The following UNC80 variants were observed in gnomAD, a reference collection of about 807,000 sequenced individuals.
UNC80 encodes protein unc-80 homolog.
UNC80 carries 164 observed loss-of-function variants against 384.6 expected under a neutral mutation model. The observed-to-expected ratio is 0.43, with a 90% CI of 0.38 to 0.49. The LOEUF is 0.49. Ranked by LOEUF, UNC80 falls within the 20% of genes least tolerant of loss-of-function variation. UNC80 has a pLI of 0.00. For synonymous variants in UNC80, 1,486 were observed against 1,527.8 expected (o/e 0.97, Z 0.64); for missense variants, 3,330 against 4,143.0 (o/e 0.80, Z 5.39).
intron 29 of UNC80, among the ~76,000 whole-genome samples, 157 bp from the exon 30 acceptor site, chr2:209,912,403 C>T (rs1402846130): frequency 1.3e-5 from 2 of 152,136 alleles, no homozygotes; most frequent in African/African-American, 4.8e-5. Flanking sequence ...TATAAATAAA[C>T]TGCTTTTATA....
At chr2:209,933,727 A>G (rs1001752302) in intron 38 of UNC80, 95 bp from the exon 39 acceptor site, 22 of 1,116,200 alleles carry the variant, frequency 2.0e-5, no homozygotes, top group South Asian at 1.7e-4. Context: ...AAGGCACAGA[A>G]GAAGGTCGAG....
chr2:209,813,802 G>A lies in UNC80; in HGVS notation c.1161G>A (p.Val387=). Residue 387 remains valine (V), a synonymous_variant, in exon 8 of 65, where the codon GTG becomes GTA. Transcript: ENST00000673920. The part of the protein sequence containing the change: ...LLPRPRSSSM[V]AAAPSLVNTH... Reference sequence around the variant, plus strand: ...CCAGACCCAGGAGTAGCTCCATGGTGGCAGCAGCTCCCTCACTAGTGAACA... The same window carrying A: ...CCAGACCCAGGAGTAGCTCCATGGTAGCAGCAGCTCCCTCACTAGTGAACA... The A allele has an allele frequency of 1.3e-6, 2 of 1,552,172 alleles. No individual in the cohort carries two copies. The highest frequency in any genetic ancestry group is 1.2e-5 in the South Asian group (1 of 84,058).
At chr2:209,978,012 C>T (rs924285014) in intron 58 of UNC80, among the ~76,000 whole-genome samples, 7 of 152,146 alleles carry the variant, frequency 4.6e-5, no homozygotes, top group Non-Finnish European at 2.9e-5. Flanking sequence ...TTCAAATATT[C>T]TACTTTGTAA....
chr2:209,881,060 C>T lies in UNC80; in HGVS notation c.4076C>T (p.Ser1359Phe). Residue 1359 changes from serine to phenylalanine, a missense_variant, in exon 25 of 65, where the codon TCT becomes TTT. Physicochemically the swap from Ser to Phe is radical, Grantham distance 155 (BLOSUM62 -2). Around this residue, in one of 8 missense-constraint regions of UNC80, gnomAD observed 801 missense variants for 950.8 expected, o/e 0.84. Transcript: ENST00000673920. ...EITTFLRETF[S>F]CLPRPRTEPL... ...ACCACCTTCCTGCGAGAGACCTTTT[C>T]TTGCCTGCCCAGACCTCGCACTGAG... 1 of 1,551,742 alleles carries T rather than the reference C, an allele frequency of 6.4e-7. No homozygotes were observed.
intron 52 of UNC80, chr2:209,968,742 T>C (rs896750537): frequency 6.6e-6 from 1 of 152,198 alleles, no homozygotes; most frequent in Non-Finnish European, 1.5e-5. Flanking sequence ...TAAATTCCTT[T>C]CTTAAATACT....
Position 209,894,262 on chromosome 2 carries a change from G to T in UNC80, c.4376G>T (p.Arg1459Leu), listed in dbSNP as rs2086610454. The T allele has an allele frequency of 1.0e-6, 1 of 985,258 alleles. No homozygotes were observed. The highest frequency in any genetic ancestry group is 1.2e-6 in the Non-Finnish European group (1 of 829,932). The allele number at this position is 985,258 out of a possible 1,614,324, so 61.0% of individuals were successfully genotyped here. A position where few individuals can be genotyped will look rare whatever the true frequency, so the allele number is the denominator to read the frequency against. ...AAGGGGGGTTCCTTGTCCAGCATTC[G>T]CCGGGTCGGCAGCTTAAAGAGCAGC... ...VKKGGSLSSIRRVGSLKSSKL... is the reference protein window; with the variant it reads ...VKKGGSLSSILRVGSLKSSKL... Residue 1459 changes from arginine to leucine, a missense_variant, in exon 27 of 65, where the codon CGC becomes CTC. Arg to Leu is a moderately radical substitution (Grantham distance 102, BLOSUM62 -2). Around this residue, in one of 8 missense-constraint regions of UNC80, gnomAD observed 801 missense variants for 950.8 expected, o/e 0.84. Coordinates refer to ENST00000673920, the MANE Select transcript of UNC80 (RefSeq NM_001371986.1).
At chr2:209,935,453 C>T (rs1051481087) in intron 39 of UNC80, among the ~76,000 whole-genome samples, 1 of 152,002 alleles carries the variant, frequency 6.6e-6, no homozygotes, top group African/African-American at 2.4e-5. Flanking sequence ...GAAACCTCGT[C>T]TCTACTAAAA....
chr2:209,917,845 C>T lies in UNC80; in HGVS notation c.5098C>T (p.His1700Tyr). The T allele has an allele frequency of 6.4e-7, 1 of 1,552,042 alleles. No homozygotes were observed. Among genetic ancestry groups the T allele is most frequent in the Non-Finnish European group, 8.7e-7 (1 of 1,147,064 alleles). ...AVSDMLMSEF[H>Y]HPETVQRLNA... ...GTCCGACATGCTGATGTCAGAGTTC[C>T]ACCACCCGGAGACTGTGCAGAGGCT... The change falls in exon 32 of 65, where the codon CAC (histidine) becomes TAC (tyrosine). Residue 1700 changes from histidine (H) to tyrosine (Y), a missense_variant. Around this residue, in one of 8 missense-constraint regions of UNC80, gnomAD observed 801 missense variants for 950.8 expected, o/e 0.84. Transcript: ENST00000673920.
intron 26 of UNC80, among the ~76,000 whole-genome samples, chr2:209,890,525 T>C (rs2086232083): frequency 6.6e-6 from 1 of 152,222 alleles, no homozygotes; most frequent in South Asian, 2.1e-4. Context: ...AACTGCTACC[T>C]GGTGCAAGTG....
chr2:209,933,559 C>CT (rs1307617208), intron 38 of UNC80, among the ~76,000 whole-genome samples: 1 of 33,954 alleles, frequency 2.9e-5, no homozygotes, highest in African/African-American at 1.4e-4. Flanking sequence ...GACATGATGC[C>CT]TGGGTGGGGG....
intron 25 of UNC80, among the ~76,000 whole-genome samples, chr2:209,885,967 A>G (rs561506947): frequency 2.6e-5 from 4 of 151,638 alleles, no homozygotes; most frequent in South Asian, 2.1e-4. Flanking sequence ...GTTTCACCAT[A>G]TTGGCCAGGC....
chr2:209,950,638 G>A (rs1442367207), intron 47 of UNC80, among the ~76,000 whole-genome samples: 3 of 149,356 alleles, frequency 2.0e-5, no homozygotes, highest in Non-Finnish European at 4.4e-5. Flanking sequence ...GGCTCACAGC[G>A]ACCTCCACCT....
At chr2:209,959,787 G>A in intron 51 of UNC80, 80 bp downstream of exon 51, 1 of 1,330,656 alleles carries the variant, frequency 7.5e-7, no homozygotes, top group South Asian at 1.4e-5. Flanking sequence ...GGTTGAGAGT[G>A]GGGGTTCTCC....
At position 209,872,995 on chromosome 2, in the gene UNC80, A is replaced by G. The variant is rs145070170; in HGVS notation, c.3840+25A>G. 6.9e-3 allele frequency: 10,715 copies of G among 1,545,228 alleles called. 58 individuals carry two copies. The highest frequency in any genetic ancestry group is 0.013 in the South Asian group (1,082 of 83,846). ...CGTGAGCTTTCGGTTTTCTTCTATA[A>G]CAATTAGGTTGCTTAAGTGAAGTGG... On this transcript the variant is annotated intron_variant, in intron 23 of 64. Coordinates refer to ENST00000673920, the MANE Select transcript of UNC80 (RefSeq NM_001371986.1). This position sits in a 1 kb window ranked among gnomAD's most constrained non-coding sequence, Gnocchi z 4.1.
chr2:209,939,720 T>G (rs1198991602), intron 43 of UNC80, 68 bp downstream of exon 43: 2 of 1,363,724 alleles, frequency 1.5e-6, no homozygotes, highest in Non-Finnish European at 1.9e-6. Context: ...TTTTTAAAAT[T>G]TTATTATTAT....
intron 1 of UNC80, 62 bp from the exon 2 acceptor site, chr2:209,773,032 A>T: frequency 7.6e-7 from 1 of 1,324,072 alleles, no homozygotes; most frequent in Non-Finnish European, 1.1e-6. Context: ...AATACGTCAC[A>T]AGGATGCTTT....
chr2:209,990,764 A>C (rs918374039), intron 61 of UNC80, among the ~76,000 whole-genome samples: 1 of 152,196 alleles, frequency 6.6e-6, no homozygotes, highest in African/African-American at 2.4e-5. Context: ...TTATATATGT[A>C]TAAGGATAAT....
Position 209,825,896 on chromosome 2 carries a change from G to C in UNC80, c.2332-11G>C, listed in dbSNP as rs747434857. On this transcript the variant is annotated splice_polypyrimidine_tract_variant and intron_variant, in intron 13 of 64. Coordinates refer to ENST00000673920, the MANE Select transcript of UNC80 (RefSeq NM_001371986.1). ...ACAGACTTTTCTTTCTTTCTCATTC[G>C]TGGGTACCAGGATGAAAGTACACCT... 7.3e-4 allele frequency: 1,105 copies of C among 1,519,358 alleles called. 4 individuals are homozygous for C. Among genetic ancestry groups the C allele is most frequent in the Non-Finnish European group, 1.7e-4 (198 of 1,134,506 alleles). 94.1% of individuals were successfully genotyped at this position (1,519,358 alleles called of 1,614,324 possible).
chr2:209,948,774 A>G (rs2092025141), intron 47 of UNC80, among the ~76,000 whole-genome samples: 1 of 152,136 alleles, frequency 6.6e-6, no homozygotes. Context: ...TTTCATCACT[A>G]AGAATAGTAT....
Sources: allele counts gnomAD v4.1 joint callset (sites outside exome capture counted in the v4.1 genomes callset), GRCh38; gene constraint gnomAD v4.1.1; regional missense constraint gnomAD v4.1.1; non-coding constraint Gnocchi (gnomAD v3.1); transcripts MANE v1.5; gene names NCBI Gene and HGNC (gene_info 2026-07-23, HGNC 2026-07-21).